Variants in INPP5A observed in about 807,000 individuals in gnomAD.
The protein encoded by INPP5A is inositol polyphosphate-5-phosphatase A, also known as 43 kDa inositol polyphosphate 5-phophatase.
Under a neutral mutation model 65.2 loss-of-function variants are expected in INPP5A, and 14 were observed. The observed-to-expected ratio is 0.21, with a 90% CI of 0.14 to 0.34. The LOEUF (loss-of-function observed/expected upper bound fraction) is 0.34. INPP5A is among the 10% of genes least tolerant of loss of function. The pLI is 1.00. For missense variants in INPP5A, 431 were observed against 545.6 expected (o/e 0.79, Z 2.09); for synonymous variants, 207 against 208.3 (o/e 0.99, Z 0.05).
intron 1 of INPP5A, among the ~76,000 whole-genome samples, chr10:132,594,311 G>A (rs117434469): frequency 0.015 from 2,309 of 152,336 alleles, 33 homozygotes; most frequent in South Asian, 0.039. Flanking sequence ...TCAGTCACCA[G>A]TAGCCTCATT....
chr10:132,689,587 GC>G (rs1297064483), intron 4 of INPP5A, among the ~76,000 whole-genome samples: 9 of 152,310 alleles, frequency 5.9e-5, no homozygotes, highest in African/African-American at 1.9e-4. Context: ...GTTGCACCAG[GC>G]CCCGTGTTGG....
intron 1 of INPP5A, among the ~76,000 whole-genome samples, chr10:132,596,709 C>T (rs1439780048): frequency 1.3e-5 from 2 of 152,120 alleles, no homozygotes. Context: ...GGATTACAGG[C>T]GTGAGCCACC....
At chr10:132,699,654 G>T (rs1845404950) in intron 6 of INPP5A, among the ~76,000 whole-genome samples, 1 of 152,112 alleles carries the variant, frequency 6.6e-6, no homozygotes, top group African/African-American at 2.4e-5. Context: ...GTCCTGAGAG[G>T]CCAGGGCCCG....
Position 132,781,904 on chromosome 10 carries a change from C to T in INPP5A, c.1202C>T (p.Pro401Leu). 1 of 1,613,870 alleles carries T rather than the reference C, an allele frequency of 6.2e-7. No individual in the cohort carries two copies. The highest frequency in any genetic ancestry group is 8.5e-7 in the Non-Finnish European group (1 of 1,179,992). Residue 401 changes from proline to leucine, a missense_variant, in exon 15 of 16, where the codon CCT becomes CTT. Physicochemically the swap from Pro to Leu is moderately conservative, Grantham distance 98. Coordinates refer to ENST00000368594, the MANE Select transcript of INPP5A (RefSeq NM_005539.5). ...CGAATCATGCCCGGGGCAGGTAAAC[C>T]TCATGCCCATGTGCACAAGTGTTGT... ...AFRIMPGAGK[P>L]HAHVHKCCVV...
chr10:132,583,440 G>C (rs1383801335), intron 1 of INPP5A, among the ~76,000 whole-genome samples: 2 of 152,172 alleles, frequency 1.3e-5, no homozygotes, highest in African/African-American at 4.8e-5. Flanking sequence ...GGCATCGGGT[G>C]AGTCGGCGTG....
At chr10:132,578,328 A>G (rs889418047) in intron 1 of INPP5A, among the ~76,000 whole-genome samples, 1 of 152,168 alleles carries the variant, frequency 6.6e-6, no homozygotes, top group African/African-American at 2.4e-5. Context: ...TCTTTGTAGC[A>G]CAAGCCCGAG....
rs1277271578 is a variant in INPP5A, at chr10:132,674,013, G to C, written c.307-16379G>C. ...GCCATCATGGCCACTTTGTTCATGGGCCTATTGGACAATGACAGGGGTGGC... is the reference window on the plus strand; with the variant it reads ...GCCATCATGGCCACTTTGTTCATGGCCCTATTGGACAATGACAGGGGTGGC... On this transcript the variant is annotated intron_variant, in intron 4 of 15. Transcript: ENST00000368594. The surrounding 1 kb of genome is among the most constrained non-coding windows in gnomAD (Gnocchi z 4.4). Among the ~76,000 whole-genome samples, 3 of 152,216 alleles carry C rather than the reference G, an allele frequency of 2.0e-5. No homozygotes were observed. Among genetic ancestry groups the C allele is most frequent in the Non-Finnish European group, 4.4e-5 (3 of 68,042 alleles).
At chr10:132,700,726 T>G (rs117483682) in intron 6 of INPP5A, among the ~76,000 whole-genome samples, 2 of 152,252 alleles carry the variant, frequency 1.3e-5, no homozygotes, top group African/African-American at 2.4e-5. Context: ...AGTTTCAGAC[T>G]GATTTCTCTT....
intron 8 of INPP5A, among the ~76,000 whole-genome samples, chr10:132,724,412 G>A (rs1258069167): frequency 2.0e-5 from 3 of 152,250 alleles, no homozygotes; most frequent in African/African-American, 7.2e-5. Flanking sequence ...CCATGCCCGC[G>A]TGGGGACTGG....
chr10:132,633,842 A>G (rs1217445207), intron 2 of INPP5A, among the ~76,000 whole-genome samples: 2 of 152,138 alleles, frequency 1.3e-5, no homozygotes, highest in African/African-American at 4.8e-5. Flanking sequence ...CAGCAAACTT[A>G]TTGTGACGAT....
chr10:132,769,061 T>G (rs1846904347), intron 12 of INPP5A, among the ~76,000 whole-genome samples: 1 of 152,162 alleles, frequency 6.6e-6, no homozygotes, highest in South Asian at 2.1e-4. Flanking sequence ...ACCCGGGGCG[T>G]TGGTGCGTAC....
chr10:132,768,424 T>A (rs187870725), intron 12 of INPP5A, among the ~76,000 whole-genome samples: 1 of 151,834 alleles, frequency 6.6e-6, no homozygotes, highest in Non-Finnish European at 1.5e-5. Flanking sequence ...CGACCCTCAG[T>A]GTTCCCAGGT....
chr10:132,763,447 G>GT (rs1461025021), intron 11 of INPP5A, among the ~76,000 whole-genome samples: 1 of 152,280 alleles, frequency 6.6e-6, no homozygotes, highest in Non-Finnish European at 1.5e-5. Context: ...GATGATGCGT[G>GT]TTTATAGGCC....
chr10:132,766,165 T>A (rs554866406), intron 12 of INPP5A, among the ~76,000 whole-genome samples: 1 of 152,322 alleles, frequency 6.6e-6, no homozygotes, highest in South Asian at 2.1e-4. Context: ...TGCACGTGTG[T>A]GTTCTTGTGT....
intron 4 of INPP5A, among the ~76,000 whole-genome samples, chr10:132,653,076 C>T (rs112550934): frequency 2.0e-5 from 3 of 152,312 alleles, no homozygotes; most frequent in Non-Finnish European, 2.9e-5. Context: ...ACGCAGCCAC[C>T]GACAGAAGGC....
chr10:132,605,878 C>A (rs1191077462), intron 1 of INPP5A, among the ~76,000 whole-genome samples: 1 of 152,188 alleles, frequency 6.6e-6, no homozygotes, highest in East Asian at 1.9e-4. Flanking sequence ...TTGAGTGCCT[C>A]CTCATAAACA....
chr10:132,648,975 C>A (rs1027994282), intron 3 of INPP5A, among the ~76,000 whole-genome samples: 1 of 151,590 alleles, frequency 6.6e-6, no homozygotes, highest in Admixed American at 6.6e-5. Flanking sequence ...TTTTCTTTTC[C>A]TTCCCTTCTC....
chr10:132,585,043 C>T (rs895818060), intron 1 of INPP5A, among the ~76,000 whole-genome samples: 12 of 152,316 alleles, frequency 7.9e-5, no homozygotes, highest in Non-Finnish European at 1.8e-4. Context: ...TTTAATCAGA[C>T]CTTCAGGGGC....
rs888528288 is a variant in INPP5A, at chr10:132,637,358, A to T, written c.118-8510A>T. On this transcript the variant is annotated intron_variant, in intron 2 of 15. Transcript: ENST00000368594. The surrounding 1 kb of genome is among the most constrained non-coding windows in gnomAD (Gnocchi z 4.1). ...AAGTGCGGGTCTTTTTCTGTTTTGA[A>T]GTTTTCCTGGGTTATAGTTTTAAAT... Among the ~76,000 whole-genome samples the T allele has an allele frequency of 2.6e-5, 4 of 151,660 alleles. No homozygotes were observed. The highest frequency in any genetic ancestry group is 9.7e-5 in the African/African-American group (4 of 41,224).
Sources: gnomAD v4.1 joint callset for allele counts (sites outside exome capture counted in the v4.1 genomes callset) on GRCh38, gnomAD v4.1.1 for gene constraint, Gnocchi (gnomAD v3.1) non-coding constraint, MANE v1.5 for transcripts, NCBI Gene and HGNC (gene_info 2026-07-23, HGNC 2026-07-21) for gene names.